Variants in SEMA3C observed in about 807,000 individuals in gnomAD.
SEMA3C encodes the protein semaphorin-3C.
SEMA3C carries 47 observed loss-of-function variants against 89.4 expected under a neutral mutation model. The observed-to-expected ratio is 0.53, with a 90% CI of 0.42 to 0.67. The LOEUF (loss-of-function observed/expected upper bound fraction) is 0.67. Among genes scored for constraint, SEMA3C ranks in the 30% least tolerant of loss-of-function variants. SEMA3C has a pLI of 0.00. For synonymous variants in SEMA3C, 310 were observed against 320.2 expected (o/e 0.97, Z 0.34); for missense variants, 839 against 929.1 (o/e 0.90, Z 1.26).
At chr7:80,851,504 TAAAAAAA>T (rs35936052) in intron 2 of SEMA3C, among the ~76,000 whole-genome samples, 50 of 69,790 alleles carry the variant, frequency 7.2e-4, no homozygotes, top group African/African-American at 2.4e-3. Flanking sequence ...CTCTTGTCTT[TAAAAAAA>T]AAAAAAAAAA....
chr7:80,915,246 T>G (rs567704334), intron 2 of SEMA3C, among the ~76,000 whole-genome samples: 2 of 152,296 alleles, frequency 1.3e-5, no homozygotes, highest in African/African-American at 2.4e-5. Context: ...AAAGGATACC[T>G]CAAAGGGTCT....
chr7:80,754,957 G>GTTTTTTTTTTTTGTTTTTTTTT (rs1554359488), intron 15 of SEMA3C, among the ~76,000 whole-genome samples: 1 of 108,368 alleles, frequency 9.2e-6, no homozygotes, highest in African/African-American at 3.5e-5. Context: ...GTTTTTTTTT[G>GTTTTTTTTTTTTGTTTTTTTTT]TTTTTTTTTT....
chr7:80,903,343 A>T (rs1791929494), intron 2 of SEMA3C, among the ~76,000 whole-genome samples: 2 of 152,170 alleles, frequency 1.3e-5, no homozygotes, highest in South Asian at 2.1e-4. Context: ...AAACATAGAA[A>T]AGGTACAGTA....
rs1239515894 is a variant in SEMA3C at position 80,827,660 on chromosome 7, CAATT to C, written c.265-177_265-174del. Among the ~76,000 whole-genome samples, 8 of 152,006 alleles carry C rather than the reference CAATT, an allele frequency of 5.3e-5. No individual in the cohort carries two copies. In the East Asian group the frequency reaches 1.5e-3, roughly 29 times the overall value. On this transcript the variant is annotated intron_variant, in intron 3 of 17. Coordinates refer to ENST00000265361, the MANE Select transcript of SEMA3C (RefSeq NM_006379.5). ...AAAGATTCTATTATTTTAACAATTACAATTATTTTTATTTCTTCCAACAGTGTTT... is the reference window on the plus strand; with the variant it reads ...AAAGATTCTATTATTTTAACAATTACATTTTTATTTCTTCCAACAGTGTTT...
chr7:80,890,425 C>CA (rs548514349), intron 2 of SEMA3C, among the ~76,000 whole-genome samples: 2 of 151,978 alleles, frequency 1.3e-5, no homozygotes, highest in African/African-American at 4.8e-5. Flanking sequence ...AAAATATATT[C>CA]AAAAAACTTA....
At chr7:80,868,489 G>A (rs576244930) in intron 2 of SEMA3C, among the ~76,000 whole-genome samples, 47 of 151,878 alleles carry the variant, frequency 3.1e-4, no homozygotes, top group Non-Finnish European at 4.4e-5. Context: ...GGCTGGTCTC[G>A]AACTCCTGAC....
intron 11 of SEMA3C, among the ~76,000 whole-genome samples, chr7:80,792,756 CCAAA>C (rs1788973358): frequency 6.6e-6 from 1 of 152,118 alleles, no homozygotes; most frequent in Admixed American, 6.6e-5. Context: ...TTCAAACTTA[CCAAA>C]CAATTCTTTT....
intron 2 of SEMA3C, among the ~76,000 whole-genome samples, chr7:80,894,444 A>T (rs750693056): frequency 7.9e-5 from 12 of 151,930 alleles, no homozygotes; most frequent in Non-Finnish European, 1.6e-4. Flanking sequence ...TATTACAAGA[A>T]TTTTTTTTAA....
At chr7:80,877,498 C>T (rs552493751) in intron 2 of SEMA3C, among the ~76,000 whole-genome samples, 1 of 152,156 alleles carries the variant, frequency 6.6e-6, no homozygotes, top group Non-Finnish European at 1.5e-5. Flanking sequence ...AGATTAATCT[C>T]AAGTGTGATT....
chr7:80,872,793 C>CT (rs1791095785), intron 2 of SEMA3C, among the ~76,000 whole-genome samples: 1 of 103,784 alleles, frequency 9.6e-6, no homozygotes, highest in South Asian at 3.2e-4. Context: ...GAGCGAGACT[C>CT]TGTCAAAAAA....
intron 5 of SEMA3C, among the ~76,000 whole-genome samples, chr7:80,816,749 C>T (rs1789616731): frequency 6.6e-6 from 1 of 152,142 alleles, no homozygotes. Flanking sequence ...AATGAAACTG[C>T]TTCTCCTTTG....
At chr7:80,849,896 A>T (rs1425041957) in intron 2 of SEMA3C, among the ~76,000 whole-genome samples, 1 of 152,174 alleles carries the variant, frequency 6.6e-6, no homozygotes, top group African/African-American at 2.4e-5. Flanking sequence ...CTAAGCACAT[A>T]TAATCTATAA....
chr7:80,848,898 T>C (rs1283796959), intron 2 of SEMA3C, among the ~76,000 whole-genome samples: 2 of 152,178 alleles, frequency 1.3e-5, no homozygotes, highest in African/African-American at 2.4e-5. Context: ...AAAATTTAGA[T>C]AGAAAAATTC....
intron 13 of SEMA3C, 115 bp downstream of exon 13, chr7:80,765,040 A>G: frequency 3.0e-6 from 2 of 656,544 alleles, no homozygotes; most frequent in Non-Finnish European, 5.0e-6. Flanking sequence ...TCAAAAATTC[A>G]TAACATTCAT....
chr7:80,800,749 A>G lies in SEMA3C; in HGVS notation c.986+8T>C, dbSNP rs199713844. The G allele has an allele frequency of 2.0e-6, 3 of 1,504,278 alleles. No homozygotes were observed. The Admixed American group carries it at 6.3e-5, about 31-fold the overall frequency. 93.2% of individuals were successfully genotyped at this position (1,504,278 alleles called of 1,614,324 possible). Reference sequence around the variant, plus strand: ...TTAACTCATAAAATGTAACTGTTGAATAATTACCTTGATGTTGTAAAAATG... The same window carrying G: ...TTAACTCATAAAATGTAACTGTTGAGTAATTACCTTGATGTTGTAAAAATG... On this transcript the variant is annotated splice_region_variant and intron_variant, in intron 10 of 17. Coordinates refer to ENST00000265361, the MANE Select transcript of SEMA3C (RefSeq NM_006379.5).
At chr7:80,752,614 C>CAA (rs10660428) in intron 15 of SEMA3C, among the ~76,000 whole-genome samples, 3,153 of 111,148 alleles carry the variant, frequency 0.028, 170 homozygotes, top group East Asian at 0.24. Flanking sequence ...GACTCCATCT[C>CAA]AAAAAAAAAA....
chr7:80,912,901 GT>G (rs1792185154), intron 2 of SEMA3C, among the ~76,000 whole-genome samples: 2 of 152,114 alleles, frequency 1.3e-5, no homozygotes, highest in Admixed American at 1.3e-4. Flanking sequence ...ATTATTTTCA[GT>G]TTATTGTCCA....
At chr7:80,864,995 C>A (rs1244480957) in intron 2 of SEMA3C, among the ~76,000 whole-genome samples, 1 of 152,138 alleles carries the variant, frequency 6.6e-6, no homozygotes, top group East Asian at 1.9e-4. Flanking sequence ...TATTACCCTA[C>A]ATCACATATT....
chr7:80,816,930 T>A (rs1020635915), intron 5 of SEMA3C, among the ~76,000 whole-genome samples: 1 of 152,234 alleles, frequency 6.6e-6, no homozygotes, highest in African/African-American at 2.4e-5. Context: ...ATTTGAAATC[T>A]GTGCTCTGAA....
Sources: gnomAD v4.1 joint callset for allele counts (sites outside exome capture counted in the v4.1 genomes callset) on GRCh38, gnomAD v4.1.1 for gene constraint, MANE v1.5 for transcripts, NCBI Gene and HGNC (gene_info 2026-07-23, HGNC 2026-07-21) for gene names.